CNTNAP2: variants seen among roughly 807,000 people sequenced by gnomAD.
CNTNAP2 encodes the protein contactin associated protein 2.
A neutral mutation model predicts 155.2 loss-of-function variants in CNTNAP2; 98 were observed. The observed-to-expected ratio is 0.63, with a 90% CI of 0.54 to 0.75. The LOEUF (loss-of-function observed/expected upper bound fraction) is 0.75, where lower values mean the gene tolerates loss of function less well. Ranked by LOEUF, CNTNAP2 falls within the 30% of genes least tolerant of loss-of-function variation. The pLI is 0.00. For synonymous variants in CNTNAP2, 651 were observed against 631.2 expected (o/e 1.03, Z -0.47); for missense variants, 1,727 against 1,688.1 (o/e 1.02, Z -0.40).
intron 10 of CNTNAP2, among the ~76,000 whole-genome samples, chr7:147,398,638 T>G (rs1796862436): frequency 6.9e-6 from 1 of 145,344 alleles, no homozygotes; most frequent in Non-Finnish European, 1.5e-5. Flanking sequence ...ATGTGGCTTA[T>G]TTTGTTCACG....
intron 13 of CNTNAP2, among the ~76,000 whole-genome samples, chr7:147,719,264 C>T (rs143587836): frequency 6.8e-4 from 104 of 152,140 alleles, no homozygotes; most frequent in African/African-American, 2.3e-3. Flanking sequence ...CAAACAAGCC[C>T]AGGAAGGAAT....
rs1200969187 is a variant in CNTNAP2 at position 147,675,570 on chromosome 7, T to C, written c.2098+36264T>C. 4.6e-5 allele frequency among the ~76,000 whole-genome samples: 7 copies of C among 152,218 alleles called. No homozygotes were observed. The East Asian group carries it at 7.7e-4, about 17-fold the overall frequency. On this transcript the variant is annotated intron_variant, in intron 13 of 23. Transcript: ENST00000361727. ...CCTTGTTTTAAATTCAATCCCTCCA[T>C]GGATTGGATGATTCGCACATTGGTG...
intron 8 of CNTNAP2, among the ~76,000 whole-genome samples, chr7:147,279,484 T>C (rs1015650268): frequency 2.0e-5 from 3 of 151,828 alleles, no homozygotes; most frequent in Non-Finnish European, 4.4e-5. Context: ...AATAATCATA[T>C]AAACTACATT....
At chr7:148,395,202 C>T (rs1799442383) in intron 22 of CNTNAP2, among the ~76,000 whole-genome samples, 1 of 100,992 alleles carries the variant, frequency 9.9e-6, no homozygotes, top group East Asian at 3.3e-4. Context: ...TTTGTCAATT[C>T]TTTGTTTTCT....
intron 3 of CNTNAP2, among the ~76,000 whole-genome samples, chr7:146,956,773 G>T (rs186352759): frequency 2.7e-4 from 41 of 152,218 alleles, no homozygotes; most frequent in African/African-American, 7.9e-4. Flanking sequence ...TGTTTTCATA[G>T]ACTATTGTGT....
intron 8 of CNTNAP2, among the ~76,000 whole-genome samples, chr7:147,211,017 G>GTTT (rs529043387): frequency 2.8e-5 from 4 of 141,542 alleles, no homozygotes; most frequent in African/African-American, 1.0e-4. Flanking sequence ...CTTGGAGTAG[G>GTTT]TTTTTTTTTT....
intron 15 of CNTNAP2, among the ~76,000 whole-genome samples, chr7:148,039,838 A>C (rs1300370779): frequency 1.3e-5 from 2 of 152,212 alleles, no homozygotes; most frequent in Non-Finnish European, 2.9e-5. Flanking sequence ...AGGCTGAACA[A>C]TCACCTTCAT....
chr7:147,277,611 T>G (rs1804927089), intron 8 of CNTNAP2, among the ~76,000 whole-genome samples: 1 of 151,970 alleles, frequency 6.6e-6, no homozygotes, highest in East Asian at 1.9e-4. Flanking sequence ...CTTAGAAATT[T>G]GCACATATAC....
At chr7:146,748,893 C>A (rs962098248) in intron 1 of CNTNAP2, among the ~76,000 whole-genome samples, 10 of 152,182 alleles carry the variant, frequency 6.6e-5, no homozygotes, top group African/African-American at 2.4e-4. Flanking sequence ...AGTCTTTATA[C>A]TGTAAGCATT....
At chr7:147,417,915 A>G (rs1797226069) in intron 10 of CNTNAP2, among the ~76,000 whole-genome samples, 3 of 152,228 alleles carry the variant, frequency 2.0e-5, no homozygotes, top group South Asian at 4.1e-4. Flanking sequence ...AGTTCACGCA[A>G]TTATTATAAA....
chr7:147,906,815 G>A (rs1245494617), intron 14 of CNTNAP2, among the ~76,000 whole-genome samples: 1 of 152,106 alleles, frequency 6.6e-6, no homozygotes, highest in African/African-American at 2.4e-5. Flanking sequence ...CAAAGAACAT[G>A]TCTGAATTCA....
intron 8 of CNTNAP2, among the ~76,000 whole-genome samples, chr7:147,194,584 C>G (rs1466767843): frequency 1.3e-5 from 2 of 152,160 alleles, no homozygotes; most frequent in Non-Finnish European, 2.9e-5. Context: ...TCTCCAGCAT[C>G]TATTGTTTCC....
At chr7:146,622,170 C>CGT (rs1799331338) in intron 1 of CNTNAP2, among the ~76,000 whole-genome samples, 1 of 147,452 alleles carries the variant, frequency 6.8e-6, no homozygotes, top group Non-Finnish European at 1.5e-5. Flanking sequence ...TATACACACA[C>CGT]GTATATATAT....
intron 1 of CNTNAP2, among the ~76,000 whole-genome samples, chr7:146,247,161 C>G (rs1037884922): frequency 1.3e-5 from 2 of 152,126 alleles, no homozygotes; most frequent in East Asian, 1.9e-4. Context: ...TGCTGCCAAA[C>G]GAGCCATGAA....
intron 16 of CNTNAP2, among the ~76,000 whole-genome samples, chr7:148,123,633 C>CAGGAAGGAAGGAAGGAAGGAAGGA (rs35150868): frequency 4.4e-4 from 52 of 118,402 alleles, no homozygotes; most frequent in African/African-American, 1.6e-3. Flanking sequence ...GAAGGGAGAG[C>CAGGAAGGAAGGAAGGAAGGAAGGA]AGGAAGGAAG....
At chr7:147,490,006 T>C (rs1798577838) in intron 11 of CNTNAP2, among the ~76,000 whole-genome samples, 1 of 152,202 alleles carries the variant, frequency 6.6e-6, no homozygotes, top group East Asian at 1.9e-4. Context: ...TTTTGGCTAA[T>C]TTAATGAATG....
intron 15 of CNTNAP2, among the ~76,000 whole-genome samples, chr7:148,012,282 A>T (rs566216518): frequency 2.0e-5 from 3 of 152,302 alleles, no homozygotes; most frequent in African/African-American, 4.8e-5. Context: ...GCTATACCTT[A>T]AAAAAGACAC....
At chr7:147,934,052 C>G (rs1800560093) in intron 14 of CNTNAP2, among the ~76,000 whole-genome samples, 1 of 152,102 alleles carries the variant, frequency 6.6e-6, no homozygotes, top group Non-Finnish European at 1.5e-5. Flanking sequence ...TTGCCAGGGG[C>G]TGGCAAGAGG....
At chr7:147,318,410 G>A (rs951431126) in intron 9 of CNTNAP2, among the ~76,000 whole-genome samples, 1 of 152,160 alleles carries the variant, frequency 6.6e-6, no homozygotes, top group Non-Finnish European at 1.5e-5. Context: ...CTCCAGCCTG[G>A]AGAACAGAGC....
Sources: allele counts gnomAD v4.1 joint callset (sites outside exome capture counted in the v4.1 genomes callset), GRCh38; gene constraint gnomAD v4.1.1; transcripts MANE v1.5; gene names NCBI Gene and HGNC (gene_info 2026-07-23, HGNC 2026-07-21).